The following ASL variants were observed in gnomAD, a reference collection of about 807,000 sequenced individuals.
The protein encoded by ASL is argininosuccinase.
A neutral mutation model predicts 69.1 loss-of-function variants in ASL; 51 were observed. That is an observed-to-expected ratio of 0.74 (90% CI 0.59 to 0.93). The LOEUF is 0.93. Ranked by LOEUF, ASL falls within the 40% of genes least tolerant of loss-of-function variation. The probability of loss-of-function intolerance (pLI) is 0.00; values close to 1 mark genes in which losing one functional copy is unlikely to be tolerated. For missense variants in ASL, 540 were observed against 623.9 expected, an observed-to-expected ratio of 0.87 and a Z score of 1.43; for synonymous variants, 241 against 247.6, an observed-to-expected ratio of 0.97 and a Z score of 0.25.
At chr7:66,076,916 C>G (rs1786363226) in intron 2 of ASL, among the ~76,000 whole-genome samples, 1 of 152,168 alleles carries the variant, frequency 6.6e-6, no homozygotes, top group South Asian at 2.1e-4. Flanking sequence ...AATTCACTTC[C>G]TCTTTCTCAA....
chr7:66,087,875 C>G (rs765634240), intron 10 of ASL, 84 bp downstream of exon 10: 5 of 1,536,598 alleles, frequency 3.3e-6, no homozygotes, highest in Non-Finnish European at 4.5e-6. Flanking sequence ...TCCCACACCT[C>G]CACGGACAGG....
In ASL at chr7:66,082,461, C is replaced by T. The variant is rs1452672961; in HGVS notation, c.291+10C>T. The T allele has an allele frequency of 1.2e-6, 2 of 1,607,044 alleles. No individual in the cohort carries two copies. Among genetic ancestry groups the T allele is most frequent in the Non-Finnish European group, 1.7e-6 (2 of 1,178,142 alleles). On this transcript the variant is annotated intron_variant, in intron 4 of 16. Transcript: ENST00000304874. ...TGAGCGCCGCCTGAAGGTACGACCC[C>T]TGGAGCCCCACCGCTTTCCTTGCCT...
intron 8 of ASL, 190 bp from the exon 9 acceptor site, chr7:66,087,144 G>C: frequency 1.4e-6 from 1 of 695,352 alleles, no homozygotes; most frequent in Non-Finnish European, 2.5e-6. Context: ...TGGACACTTG[G>C]GGACAAGTAT....
chr7:66,086,021 G>A (rs887214290), intron 6 of ASL, among the ~76,000 whole-genome samples: 8 of 152,088 alleles, frequency 5.3e-5, no homozygotes, highest in Non-Finnish European at 8.8e-5. Flanking sequence ...CCAGGAGATC[G>A]AGGCAGCAGT....
intron 15 of ASL, 110 bp from the exon 16 acceptor site, chr7:66,092,447 C>G: frequency 9.3e-7 from 1 of 1,076,506 alleles, no homozygotes; most frequent in South Asian, 1.3e-5. Flanking sequence ...CAGAGCGAGA[C>G]TTTGTGTCAA....
rs1463358054 is a variant in ASL, at chr7:66,093,351, G to A, written c.*439G>A. 9 of 293,076 alleles carry A rather than the reference G, an allele frequency of 3.1e-5. No homozygotes were observed. The highest frequency in any genetic ancestry group is 1.4e-4 in the Admixed American group (3 of 22,152). The allele number at this position is 293,076 out of a possible 1,614,324, so 18.2% of individuals were successfully genotyped here. A position where few individuals can be genotyped will look rare whatever the true frequency, so the allele number is the denominator to read the frequency against. ...AAATAAACGAAAAATAAATGGAAGCGGAGAAAACTGGGCAAGGGCAATGAG... is the reference window on the plus strand; with the variant it reads ...AAATAAACGAAAAATAAATGGAAGCAGAGAAAACTGGGCAAGGGCAATGAG... On this transcript the variant is annotated 3_prime_UTR_variant, in exon 17 of 17. Coordinates refer to ENST00000304874, the MANE Select transcript of ASL (RefSeq NM_000048.4).
intron 8 of ASL, 52 bp downstream of exon 8, chr7:66,086,873 G>A (rs959144658): frequency 1.7e-5 from 26 of 1,533,368 alleles, no homozygotes; most frequent in Non-Finnish European, 2.2e-5. Context: ...CTGCTGCATA[G>A]CCTTAGGGAT....
intron 6 of ASL, among the ~76,000 whole-genome samples, chr7:66,084,155 TTTG>T (rs570166563): frequency 1.4e-3 from 208 of 151,490 alleles, no homozygotes; most frequent in African/African-American, 3.8e-3. Flanking sequence ...GTTGTTGTTG[TTTG>T]TTGTTGTTTT....
chr7:66,088,673 A>G, intron 10 of ASL, 134 bp from the exon 11 acceptor site: 1 of 761,834 alleles, frequency 1.3e-6, no homozygotes, highest in South Asian at 1.5e-5. Context: ...CTTGGGCGAC[A>G]TAGCACGACC....
chr7:66,077,694 A>C (rs1490330175), intron 2 of ASL, among the ~76,000 whole-genome samples: 1 of 152,030 alleles, frequency 6.6e-6, no homozygotes, highest in Admixed American at 6.6e-5. Context: ...GCACCACTGC[A>C]CTCCAGCCTG....
At chr7:66,087,579 C>A in intron 9 of ASL, 150 bp from the exon 10 acceptor site, 1 of 968,080 alleles carries the variant, frequency 1.0e-6, no homozygotes, top group Non-Finnish European at 1.6e-6. Context: ...AGACTCAGGG[C>A]TCCTGCCTCC....
rs1020503985 is a variant in ASL, at chr7:66,093,027, T to C, written c.*115T>C. 2 of 1,502,162 alleles carry C rather than the reference T, an allele frequency of 1.3e-6. No homozygotes were observed. Among genetic ancestry groups the C allele is most frequent in the Non-Finnish European group, 1.8e-6 (2 of 1,119,174 alleles). The allele number at this position is 1,502,162 out of a possible 1,614,324, so 93.1% of individuals were successfully genotyped here. ...TTTCGGGGCTGGCCAGTGGGGACAG[T>C]CAGGGACTGGAGAGGCAGGGCAGGG... is the stretch of plus-strand genomic sequence containing the variant. On this transcript the variant is annotated 3_prime_UTR_variant, in exon 17 of 17. Coordinates refer to ENST00000304874, the MANE Select transcript of ASL (RefSeq NM_000048.4).
chr7:66,080,148 C>T (rs561558805), intron 2 of ASL, among the ~76,000 whole-genome samples: 4 of 151,004 alleles, frequency 2.6e-5, no homozygotes, highest in South Asian at 4.2e-4. Context: ...TTTGGGAGGC[C>T]GAGGTGGGCA....
chr7:66,077,063 G>C (rs1339538188), intron 2 of ASL, among the ~76,000 whole-genome samples: 1 of 152,220 alleles, frequency 6.6e-6, no homozygotes, highest in African/African-American at 2.4e-5. Flanking sequence ...TGTGAAATAG[G>C]GGTAATATTG....
At position 66,081,986 on chromosome 7, in the gene ASL, G is replaced by T; in HGVS notation, c.196G>T (p.Gly66Cys). The change falls in exon 3 of 17, where the codon GGC (glycine) becomes TGC (cysteine). Residue 66 changes from glycine (G) to cysteine (C), a missense_variant. Transcript: ENST00000304874. ...GGCCGAGATGGACCAGATACTCCATGGCCTAGACAAGGTACTTGCCGTGGC... is the reference window on the plus strand; with the variant it reads ...GGCCGAGATGGACCAGATACTCCATTGCCTAGACAAGGTACTTGCCGTGGC... ...TKAEMDQILH[G>C]LDKVAEEWAQ... 6.2e-7 allele frequency: 1 copy of T among 1,608,754 alleles called. No individual in the cohort carries two copies. The highest frequency in any genetic ancestry group is 2.2e-5 in the East Asian group (1 of 44,730).
At chr7:66,087,230 CTGTGTGTGCGTTCGTGTGTG>C in intron 8 of ASL, 84 bp from the exon 9 acceptor site, 1 of 1,384,086 alleles carries the variant, frequency 7.2e-7, no homozygotes, top group East Asian at 2.3e-5. Flanking sequence ...ACTTGGTTCT[CTGTGTGTGCGTTCGTGTGTG>C]TGTGTGTGTG....
chr7:66,077,091 C>A (rs73374668), intron 2 of ASL, among the ~76,000 whole-genome samples: 1 of 152,044 alleles, frequency 6.6e-6, no homozygotes, highest in Admixed American at 6.6e-5. Context: ...CATAAAAGGC[C>A]GTAATAACAT....
intron 6 of ASL, 82 bp downstream of exon 6, chr7:66,083,256 A>G: frequency 6.8e-7 from 1 of 1,471,206 alleles, no homozygotes; most frequent in Non-Finnish European, 9.3e-7. Flanking sequence ...AGGGGTGAAC[A>G]GCGTGGGGGT....
At position 66,082,892 on chromosome 7, in the gene ASL, G is replaced by A. The variant is rs1201104546; in HGVS notation, c.304G>A (p.Ala102Thr). The change falls in exon 5 of 17, where the codon GCA becomes ACA. Residue 102 changes from alanine (A) to threonine (T), a missense_variant. Physicochemically the swap from Ala to Thr is moderately conservative, Grantham distance 58 (BLOSUM62 0). Transcript: ENST00000304874. ...CCTTCACCTCCAGGAGCTCATTGGT[G>A]CAACGGCAGGGAAGCTGCACACGGG... ...NERRLKELIGATAGKLHTGRS... is the reference protein window; with the variant it reads ...NERRLKELIGTTAGKLHTGRS... 1.2e-6 allele frequency: 2 copies of A among 1,613,770 alleles called. No homozygotes were observed. Among genetic ancestry groups the A allele is most frequent in the Admixed American group, 3.3e-5 (2 of 59,992 alleles).
Sources: gnomAD v4.1 joint callset for allele counts (sites outside exome capture counted in the v4.1 genomes callset) on GRCh38, gnomAD v4.1.1 for gene constraint, MANE v1.5 for transcripts, NCBI Gene and HGNC (gene_info 2026-07-23, HGNC 2026-07-21) for gene names.